Variants in PSMG2 observed in about 807,000 individuals in gnomAD.
The protein encoded by PSMG2 is proteasome assembly chaperone 2.
In PSMG2, 21 loss-of-function variants were observed where a neutral mutation model predicts 31.5. The ratio of observed to expected loss-of-function variants is 0.67; its 90% CI spans 0.47 to 0.96. The LOEUF is 0.96. PSMG2 is among the 40% of genes least tolerant of loss of function. The pLI is 0.00. For missense variants in PSMG2, 318 were observed against 321.2 expected (o/e 0.99, Z 0.08); for synonymous variants, 120 against 110.4 (o/e 1.09, Z -0.54).
intron 2 of PSMG2, among the ~76,000 whole-genome samples, chr18:12,712,146 C>T (rs1388685166): frequency 2.6e-5 from 4 of 152,124 alleles, no homozygotes; most frequent in Non-Finnish European, 5.9e-5. Flanking sequence ...AGCTATGGAT[C>T]CTTTTCCCAG....
intron 1 of PSMG2, among the ~76,000 whole-genome samples, chr18:12,673,778 G>A (rs915474736): frequency 1.4e-4 from 21 of 152,184 alleles, no homozygotes; most frequent in African/African-American, 5.1e-4. Context: ...CTACTTGGGA[G>A]GCTGAGGCAG....
intron 1 of PSMG2, among the ~76,000 whole-genome samples, chr18:12,671,886 T>C (rs566451716): frequency 6.6e-6 from 1 of 152,222 alleles, no homozygotes; most frequent in African/African-American, 2.4e-5. Context: ...AGTGGCATGA[T>C]CTTGGCTCAT....
At chr18:12,691,026 G>A (rs1241939395) in intron 1 of PSMG2, among the ~76,000 whole-genome samples, 1 of 150,896 alleles carries the variant, frequency 6.6e-6, no homozygotes, top group Admixed American at 6.7e-5. Flanking sequence ...TAAGTATCAA[G>A]CAAATACACA....
intron 5 of PSMG2, among the ~76,000 whole-genome samples, chr18:12,722,087 T>C (rs1195912966): frequency 2.0e-5 from 3 of 152,300 alleles, no homozygotes; most frequent in South Asian, 4.1e-4. Flanking sequence ...ACAAGGAAGT[T>C]GCGTCTGCAC....
intron 4 of PSMG2, 98 bp downstream of exon 4, chr18:12,718,733 C>A (rs924259026): frequency 1.0e-5 from 8 of 796,388 alleles, no homozygotes; most frequent in Non-Finnish European, 5.7e-6. Context: ...TAGATCCTTA[C>A]CTCTTCTTAC....
Position 12,676,279 on chromosome 18 carries a change from C to CTTT in PSMG2, c.-37+17526_-37+17528dup, listed in dbSNP as rs1157897766. 3.4e-3 allele frequency among the ~76,000 whole-genome samples: 365 copies of CTTT among 106,356 alleles called. 1 individual carries two copies. The highest frequency in any genetic ancestry group is 5.2e-3 in the East Asian group (18 of 3,442). 69.8% of individuals were successfully genotyped at this position (106,356 alleles called of 152,430 possible). A position where few individuals can be genotyped will look rare whatever the true frequency, so the allele number is the denominator to read the frequency against. ...TTTCTTTTTCTGTAAACAGTAATTC[C>CTTT]TTTTTTTTTTTTTTTTTTTTTTGAG... On this transcript the variant is annotated intron_variant, in intron 1 of 6. Transcript: ENST00000585331.
At chr18:12,681,121 T>A (rs2039332722) in intron 1 of PSMG2, among the ~76,000 whole-genome samples, 1 of 151,292 alleles carries the variant, frequency 6.6e-6, no homozygotes, top group African/African-American at 2.4e-5. Context: ...TCACGTGAAC[T>A]TGGGAGGCGG....
At chr18:12,718,115 T>C (rs889049436) in intron 3 of PSMG2, among the ~76,000 whole-genome samples, 3 of 151,952 alleles carry the variant, frequency 2.0e-5, no homozygotes, top group Non-Finnish European at 4.4e-5. Flanking sequence ...TTCAAGTGAT[T>C]CTCCTGTCTC....
chr18:12,686,485 A>C, intron 1 of PSMG2: 1 of 1,428,148 alleles, frequency 7.0e-7, no homozygotes, highest in South Asian at 1.2e-5. Flanking sequence ...GTAATGACAT[A>C]TTAATCATCC....
rs1472021816 is a variant in PSMG2, at chr18:12,725,692, T to C, written c.*161T>C. On this transcript the variant is annotated 3_prime_UTR_variant, in exon 7 of 7. Transcript: ENST00000317615. The stretch of plus-strand genomic sequence containing the variant: ...GGTCTCTTTGCCATGCTTTTCATCA[T>C]ATGCACCAAATGTAAATTTTGTACA... 2.8e-5 allele frequency: 13 copies of C among 462,598 alleles called. No individual in the cohort carries two copies. Among genetic ancestry groups the C allele is most frequent in the Non-Finnish European group, 4.9e-5 (13 of 265,216 alleles). 28.7% of individuals were successfully genotyped at this position (462,598 alleles called of 1,614,324 possible).
intron 5 of PSMG2, 98 bp from the exon 6 acceptor site, chr18:12,724,401 T>A: frequency 7.9e-7 from 1 of 1,271,940 alleles, no homozygotes; most frequent in Non-Finnish European, 1.1e-6. Context: ...TTTCCTTTCC[T>A]AAACCAGGTA....
chr18:12,687,017 G>C (rs1568021805), intron 1 of PSMG2, among the ~76,000 whole-genome samples: 1 of 152,086 alleles, frequency 6.6e-6, no homozygotes, highest in Non-Finnish European at 1.5e-5. Flanking sequence ...CTAAATACAG[G>C]ATATCTCCTG....
intron 1 of PSMG2, among the ~76,000 whole-genome samples, chr18:12,693,801 C>A (rs762198014): frequency 1.8e-4 from 27 of 152,062 alleles, no homozygotes; most frequent in South Asian, 8.3e-4. Context: ...AACAAAAAAA[C>A]CCCTCACGTA....
upstream of PSMG2, chr18:12,701,050 C>T: frequency 6.2e-7 from 1 of 1,613,660 alleles, no homozygotes. Flanking sequence ...TGCTGTTGAT[C>T]AGGTGCCAAT....
chr18:12,694,986 A>G (rs9959536), intron 1 of PSMG2, among the ~76,000 whole-genome samples: 59,508 of 151,806 alleles, frequency 0.39, 12,062 homozygotes, highest in Non-Finnish European at 0.45. Flanking sequence ...AAGTGCTGGG[A>G]CTACAGGCGT....
At chr18:12,695,852 C>CCACACACACACACACA (rs375916938) in intron 1 of PSMG2, among the ~76,000 whole-genome samples, 3 of 148,284 alleles carry the variant, frequency 2.0e-5, no homozygotes, top group Admixed American at 6.8e-5. Flanking sequence ...CATTCCTTCT[C>CCACACACACACACACA]CACACACACA....
chr18:12,705,510 G>T (rs1249741130), intron 1 of PSMG2, among the ~76,000 whole-genome samples: 1 of 151,650 alleles, frequency 6.6e-6, no homozygotes, highest in African/African-American at 2.4e-5. Context: ...TGTAGGTAGG[G>T]ATTTGGCAGC....
Position 12,712,833 on chromosome 18 carries a change from T to C in PSMG2, c.288+73T>C, listed in dbSNP as rs2145141233. Reference sequence around the variant, plus strand: ...AAATAAGTAACATTAGGGATTAAGATTCAAAAATTACTACTGTTTTTACCA... The same window carrying C: ...AAATAAGTAACATTAGGGATTAAGACTCAAAAATTACTACTGTTTTTACCA... On this transcript the variant is annotated intron_variant, in intron 3 of 6. Coordinates refer to ENST00000317615, the MANE Select transcript of PSMG2 (RefSeq NM_020232.5). 4.2e-6 allele frequency: 5 copies of C among 1,191,934 alleles called. No individual in the cohort carries two copies. In the South Asian group the frequency reaches 6.5e-5, roughly 15 times the overall value. 73.8% of individuals were successfully genotyped at this position (1,191,934 alleles called of 1,614,324 possible). A position where few individuals can be genotyped will look rare whatever the true frequency, so the allele number is the denominator to read the frequency against.
chr18:12,710,641 CTTG>C (rs1343978362), intron 2 of PSMG2, among the ~76,000 whole-genome samples: 1 of 152,244 alleles, frequency 6.6e-6, no homozygotes, highest in South Asian at 2.1e-4. Context: ...TGTCACTTGG[CTTG>C]TTGTTCTAGC....
Sources: gnomAD v4.1 joint callset for allele counts (sites outside exome capture counted in the v4.1 genomes callset) on GRCh38, gnomAD v4.1.1 for gene constraint, MANE v1.5 for transcripts, NCBI Gene and HGNC (gene_info 2026-07-23, HGNC 2026-07-21) for gene names.